Variants in PNPT1 observed in about 807,000 individuals in gnomAD.
PNPT1 encodes the protein polyribonucleotide nucleotidyltransferase 1, mitochondrial.
PNPT1 carries 53 observed loss-of-function variants against 119.5 expected under a neutral mutation model. The observed-to-expected ratio is 0.44, with a 90% confidence interval of 0.36 to 0.56. The LOEUF is 0.56. Ranked by LOEUF, PNPT1 falls within the 20% of genes least tolerant of loss-of-function variation. The probability of loss-of-function intolerance (pLI) is 0.00; values close to 1 mark genes in which losing one functional copy is unlikely to be tolerated. For missense variants in PNPT1, 948 were observed against 938.5 expected, an observed-to-expected ratio of 1.01 and a Z score of -0.13; for synonymous variants, 357 against 322.1, an observed-to-expected ratio of 1.11 and a Z score of -1.16.
rs1042811498 is a variant in PNPT1, at chr2:55,654,806, C to T, written c.1495+94G>A. ...GCCCAGGCTGGTCTTGAACTCCCAG[C>T]CTCAAGTGAGCCTCCTGCCTTGGCC... On this transcript the variant is annotated intron_variant, in intron 18 of 27. Transcript: ENST00000447944. 2.6e-6 allele frequency: 3 copies of T among 1,173,388 alleles called. No individual in the cohort carries two copies. In the South Asian group the frequency reaches 4.0e-5, roughly 16 times the overall value. 72.7% of individuals were successfully genotyped at this position (1,173,388 alleles called of 1,614,324 possible).
chr2:55,665,456 CAT>C (rs1023424647), intron 13 of PNPT1, among the ~76,000 whole-genome samples: 1 of 151,932 alleles, frequency 6.6e-6, no homozygotes, highest in Non-Finnish European at 1.5e-5. Context: ...AAGAAGGAGA[CAT>C]ATATATATAA....
At chr2:55,692,320 C>A (rs1697642898) in intron 1 of PNPT1, among the ~76,000 whole-genome samples, 1 of 152,152 alleles carries the variant, frequency 6.6e-6, no homozygotes, top group African/African-American at 2.4e-5. Flanking sequence ...CCACACTTTG[C>A]ACAAGAAAAT....
intron 11 of PNPT1, among the ~76,000 whole-genome samples, chr2:55,670,374 G>C (rs1696872953): frequency 6.6e-6 from 1 of 151,900 alleles, no homozygotes; most frequent in Non-Finnish European, 1.5e-5. Context: ...TTTTAGTAGA[G>C]ACAGGGTTTC....
chr2:55,653,133 C>A (rs1252879150), intron 18 of PNPT1, among the ~76,000 whole-genome samples: 3 of 152,234 alleles, frequency 2.0e-5, no homozygotes, highest in Non-Finnish European at 4.4e-5. Flanking sequence ...CAGGAATGAG[C>A]CACTGTGCCT....
intron 23 of PNPT1, 45 bp from the exon 24 acceptor site, chr2:55,643,470 C>T (rs775609027): frequency 6.6e-7 from 1 of 1,521,194 alleles, no homozygotes; most frequent in South Asian, 1.1e-5. Context: ...CTTGGCTGGG[C>T]ATAGTGGGTC....
At chr2:55,650,337 G>T (rs913737014) in intron 18 of PNPT1, among the ~76,000 whole-genome samples, 6 of 152,210 alleles carry the variant, frequency 3.9e-5, no homozygotes, top group Admixed American at 2.0e-4. Context: ...TGGAGACGGG[G>T]TTTCGCTGTG....
chr2:55,643,294 C>G, intron 24 of PNPT1, 25 bp downstream of exon 24: 1 of 1,611,094 alleles, frequency 6.2e-7, no homozygotes. Context: ...CTATATGATA[C>G]GTAATTAATA....
At chr2:55,673,102 A>C (rs1369204704) in intron 8 of PNPT1, 23 bp from the exon 9 acceptor site, 2 of 1,516,038 alleles carry the variant, frequency 1.3e-6, no homozygotes, top group Non-Finnish European at 1.8e-6. Flanking sequence ...AAAAGAAAAA[A>C]AAAATGACTG....
At chr2:55,649,321 A>C (rs895537906) in intron 18 of PNPT1, among the ~76,000 whole-genome samples, 14 of 152,174 alleles carry the variant, frequency 9.2e-5, no homozygotes, top group Non-Finnish European at 1.9e-4. Context: ...ATATGTTCAA[A>C]ATTGAATCAC....
chr2:55,670,276 T>A, intron 11 of PNPT1, among the ~76,000 whole-genome samples: 1 of 152,030 alleles, frequency 6.6e-6, no homozygotes, highest in Non-Finnish European at 1.5e-5. Flanking sequence ...AAGCTCCACC[T>A]CCTGGGTTCA....
In PNPT1 at chr2:55,646,616, T is replaced by C. The variant is rs575493662; in HGVS notation, c.1603-130A>G. The C allele has an allele frequency of 7.7e-5, 50 of 646,316 alleles. 1 individual carries two copies. The African/African-American group carries it at 8.3e-4, about 11-fold the overall frequency. The allele number at this position is 646,316 out of a possible 1,614,324, so 40.0% of individuals were successfully genotyped here. ...CTAAGTCCAAACACAAAGCAATGTT[T>C]TCTACATTAACTACCACTTCCAATT... is the stretch of plus-strand genomic sequence containing the variant. On this transcript the variant is annotated intron_variant, in intron 19 of 27. Transcript: ENST00000447944.
chr2:55,656,106 T>C (rs759604337), intron 17 of PNPT1, 25 bp downstream of exon 17: 8 of 1,598,276 alleles, frequency 5.0e-6, no homozygotes, highest in African/African-American at 1.3e-5. Flanking sequence ...TTTTCTACTA[T>C]GAAAGAAGTA....
In PNPT1 at chr2:55,636,260, G is replaced by A; in HGVS notation, c.2329C>T (p.Gln777Ter). ...SSIVMGEPIS[Q>*]SSSNSQ ...AATCACTGAGAATTAGATGATGACTGTGAAATAGGTTCTCCCATTACAATA... is the reference window on the plus strand; with the variant it reads ...AATCACTGAGAATTAGATGATGACTATGAAATAGGTTCTCCCATTACAATA... Residue 777 changes from glutamine (Q) to a stop codon, truncating the protein, a stop_gained, in exon 28 of 28, where the codon CAG becomes TAG. Transcript: ENST00000447944. LOFTEE classifies it high-confidence loss of function. 3.1e-6 allele frequency: 5 copies of A among 1,611,090 alleles called. No individual in the cohort carries two copies. In the South Asian group the frequency reaches 3.3e-5, roughly 11 times the overall value.
rs778897267 is a variant in PNPT1 at position 55,680,922 on chromosome 2, GT to G, written c.454-5del. 1.9e-6 allele frequency: 3 copies of G among 1,611,232 alleles called. No individual in the cohort carries two copies. In the Admixed American group the frequency reaches 5.0e-5, roughly 27 times the overall value. ...CTGCTAACAGATTACACAGAACCTGGTAAAAGGGAAAAAATTTGATTTGGAA... is the reference window on the plus strand; with the variant it reads ...CTGCTAACAGATTACACAGAACCTGGAAAAGGGAAAAAATTTGATTTGGAA... On this transcript the variant is annotated splice_polypyrimidine_tract_variant and splice_region_variant and intron_variant, in intron 5 of 27. Transcript: ENST00000447944.
At chr2:55,652,214 G>A (rs562118978) in intron 18 of PNPT1, among the ~76,000 whole-genome samples, 1 of 151,942 alleles carries the variant, frequency 6.6e-6, no homozygotes, top group African/African-American at 2.4e-5. Flanking sequence ...TCAAAAACTG[G>A]GTACAATTTG....
intron 25 of PNPT1, among the ~76,000 whole-genome samples, chr2:55,641,777 G>T (rs908673122): frequency 1.3e-4 from 20 of 151,062 alleles, no homozygotes; most frequent in Admixed American, 1.1e-3. Flanking sequence ...CTTAAAAGAG[G>T]GATTTTCTTA....
At chr2:55,688,761 AACAAC>A (rs1697500626) in intron 1 of PNPT1, among the ~76,000 whole-genome samples, 1 of 148,424 alleles carries the variant, frequency 6.7e-6, no homozygotes, top group African/African-American at 2.6e-5. Flanking sequence ...CAACAACAAC[AACAAC>A]AAAAAACTTT....
intron 8 of PNPT1, among the ~76,000 whole-genome samples, chr2:55,673,810 A>G (rs1156427857): frequency 2.0e-5 from 3 of 152,150 alleles, no homozygotes; most frequent in African/African-American, 7.2e-5. Flanking sequence ...ATTATTTGCC[A>G]AAGTGACTTT....
At position 55,636,178 on chromosome 2, in the gene PNPT1, C is replaced by G. The variant is rs746013344; in HGVS notation, c.*59G>C. 1 of 1,323,304 alleles carries G rather than the reference C, an allele frequency of 7.6e-7. No homozygotes were observed. The highest frequency in any genetic ancestry group is 1.0e-6 in the Non-Finnish European group (1 of 958,376). 82.0% of individuals were successfully genotyped at this position (1,323,304 alleles called of 1,614,324 possible). ...AATGGAAGATACTACTAAAATGTTGCTCTACAGCACATCACCCTAGACAAA... is the reference window on the plus strand; with the variant it reads ...AATGGAAGATACTACTAAAATGTTGGTCTACAGCACATCACCCTAGACAAA... On this transcript the variant is annotated 3_prime_UTR_variant, in exon 28 of 28. Transcript: ENST00000447944.
Sources: allele counts gnomAD v4.1 joint callset (sites outside exome capture counted in the v4.1 genomes callset), GRCh38; gene constraint gnomAD v4.1.1; transcripts MANE v1.5; gene names NCBI Gene and HGNC (gene_info 2026-07-23, HGNC 2026-07-21).